SAMMSON: variants seen among roughly 807,000 people sequenced by gnomAD.
SAMMSON encodes the protein long intergenic non-protein coding RNA 1212.
chr3:70,177,209 T>C (rs1701015069), intron 4 of SAMMSON, among the ~76,000 whole-genome samples: 1 of 152,216 alleles, frequency 6.6e-6, no homozygotes, highest in South Asian at 2.1e-4. Context: ...CACATTTTTG[T>C]TTAAGAGATC....
At chr3:70,063,058 G>T (rs1384650013) in intron 3 of SAMMSON, among the ~76,000 whole-genome samples, 1 of 151,894 alleles carries the variant, frequency 6.6e-6, no homozygotes, top group Non-Finnish European at 1.5e-5. Context: ...TGCTTTGTCT[G>T]CAGGGACCCT....
intron 5 of SAMMSON, among the ~76,000 whole-genome samples, chr3:70,249,370 A>G (rs1475494391): frequency 6.6e-6 from 1 of 152,146 alleles, no homozygotes; most frequent in Non-Finnish European, 1.5e-5. Context: ...GATCTATCAT[A>G]TTGTGCAAAT....
At chr3:70,186,454 T>G (rs898339025) in intron 4 of SAMMSON, among the ~76,000 whole-genome samples, 3 of 152,022 alleles carry the variant, frequency 2.0e-5, no homozygotes, top group Non-Finnish European at 2.9e-5. Flanking sequence ...TGGTATTTTT[T>G]TTGTAGAGAT....
At chr3:70,327,994 TCC>T (rs1472074032) in intron 7 of SAMMSON, among the ~76,000 whole-genome samples, 2 of 152,174 alleles carry the variant, frequency 1.3e-5, no homozygotes, top group Non-Finnish European at 2.9e-5. Flanking sequence ...GACTCACAGT[TCC>T]ACATGGCTGG....
chr3:70,150,125 A>T (rs1481784085), intron 4 of SAMMSON, among the ~76,000 whole-genome samples: 2 of 151,998 alleles, frequency 1.3e-5, no homozygotes, highest in Admixed American at 1.3e-4. Context: ...CCATAATATG[A>T]CTGTAGAGGT....
At chr3:70,057,634 G>A (rs2067172905) in intron 3 of SAMMSON, among the ~76,000 whole-genome samples, 1 of 151,628 alleles carries the variant, frequency 6.6e-6, no homozygotes, top group Non-Finnish European at 1.5e-5. Flanking sequence ...CTATACATAT[G>A]CATATACATA....
intron 2 of SAMMSON, among the ~76,000 whole-genome samples, chr3:70,407,779 G>A (rs1451315650): frequency 6.6e-6 from 1 of 152,162 alleles, no homozygotes; most frequent in African/African-American, 2.4e-5. Context: ...GGAGGATGGT[G>A]GCCGTCTTCT....
At chr3:70,106,896 G>C (rs745629547) in intron 4 of SAMMSON, among the ~76,000 whole-genome samples, 1 of 152,114 alleles carries the variant, frequency 6.6e-6, no homozygotes, top group Non-Finnish European at 1.5e-5. Flanking sequence ...ATTCATAAAA[G>C]CCCCTGCCTA....
intron 1 of SAMMSON, among the ~76,000 whole-genome samples, chr3:70,002,786 T>C (rs1033336938): frequency 6.6e-5 from 10 of 152,158 alleles, no homozygotes; most frequent in Non-Finnish European, 1.0e-4. Flanking sequence ...CTGTTATCAA[T>C]TGTGGTTACA....
At chr3:70,282,883 A>G (rs1378015546) in intron 6 of SAMMSON, among the ~76,000 whole-genome samples, 2 of 152,194 alleles carry the variant, frequency 1.3e-5, no homozygotes, top group Non-Finnish European at 2.9e-5. Context: ...GAATTCATGA[A>G]TCTGCCAACA....
chr3:70,347,507 T>C (rs1400514164), intron 7 of SAMMSON, among the ~76,000 whole-genome samples: 1 of 152,188 alleles, frequency 6.6e-6, no homozygotes, highest in Non-Finnish European at 1.5e-5. Flanking sequence ...GTATATGCTA[T>C]GCTTTATGCT....
intron 3 of SAMMSON, among the ~76,000 whole-genome samples, chr3:70,046,028 A>G (rs1346703079): frequency 6.6e-6 from 1 of 152,148 alleles, no homozygotes; most frequent in Non-Finnish European, 1.5e-5. Flanking sequence ...TTAAAATGCA[A>G]GTAATCTTTA....
intron 3 of SAMMSON, among the ~76,000 whole-genome samples, chr3:70,046,804 C>A (rs1191237123): frequency 1.3e-5 from 2 of 152,210 alleles, no homozygotes; most frequent in East Asian, 3.9e-4. Context: ...TTTCCTGCTT[C>A]TAGAAGTGGC....
intron 6 of SAMMSON, among the ~76,000 whole-genome samples, chr3:70,274,795 T>C (rs1702006059): frequency 1.3e-5 from 2 of 152,202 alleles, no homozygotes; most frequent in Non-Finnish European, 2.9e-5. Context: ...AACTTCCAAA[T>C]TGAATAGGTA....
intron 4 of SAMMSON, among the ~76,000 whole-genome samples, chr3:70,103,648 T>G (rs942453343): frequency 6.6e-6 from 1 of 152,182 alleles, no homozygotes; most frequent in Admixed American, 6.6e-5. Context: ...CTGCACAAGA[T>G]AGCCCACTCC....
intron 4 of SAMMSON, among the ~76,000 whole-genome samples, chr3:70,080,712 A>G (rs1195251694): frequency 6.6e-6 from 1 of 151,914 alleles, no homozygotes; most frequent in Non-Finnish European, 1.5e-5. Context: ...TTTTAACCAA[A>G]TAATTTTTTT....
chr3:70,057,299 C>T (rs574003394), intron 3 of SAMMSON, among the ~76,000 whole-genome samples: 3 of 152,018 alleles, frequency 2.0e-5, no homozygotes, highest in African/African-American at 4.8e-5. Flanking sequence ...CTTTTGAATG[C>T]GTATCTTCTT....
At chr3:70,178,358 T>G (rs1369819230) in intron 4 of SAMMSON, among the ~76,000 whole-genome samples, 1 of 152,186 alleles carries the variant, frequency 6.6e-6, no homozygotes, top group Non-Finnish European at 1.5e-5. Context: ...TTTCTTAAAC[T>G]GCAGTATCCT....
intron 4 of SAMMSON, among the ~76,000 whole-genome samples, chr3:70,131,831 G>T (rs563713618): frequency 6.6e-6 from 1 of 152,216 alleles, no homozygotes; most frequent in African/African-American, 2.4e-5. Flanking sequence ...ACCCACCTCA[G>T]CCTCCCAAAG....
Sources: gnomAD v4.1 joint callset for allele counts (sites outside exome capture counted in the v4.1 genomes callset) on GRCh38, gnomAD v4.1.1 for gene constraint, MANE v1.5 for transcripts, NCBI Gene and HGNC (gene_info 2026-07-23, HGNC 2026-07-21) for gene names.